Variants in LEMD1 observed in about 807,000 individuals in gnomAD.
The protein encoded by LEMD1 is LEM domain-containing protein 1.
In LEMD1, 18 loss-of-function variants were observed where a neutral mutation model predicts 17.4. The observed-to-expected ratio is 1.04, with a 90% CI of 0.72 to 1.54. The LOEUF is 1.54. Ranked by LOEUF, LEMD1 falls within the 40% of genes most tolerant of loss-of-function variation. The pLI, the probability that LEMD1 is intolerant of heterozygous loss-of-function variation, is 0.00. For synonymous variants in LEMD1, 88 were observed against 77.8 expected, an observed-to-expected ratio of 1.13 and a Z score of -0.69; for missense variants, 195 against 210.4, an observed-to-expected ratio of 0.93 and a Z score of 0.45.
rs1394629959 is a variant in LEMD1, at chr1:205,411,245, AAGG to A, written c.270+4984_270+4986del. On this transcript the variant is annotated intron_variant, in intron 4 of 5. Transcript: ENST00000367153. ...AAGGAAGGAGGGAGGGAGGGAAAGG[AAGG>A]AAGGAAGGAAGGAAAAAGAAAGAAG... Among the ~76,000 whole-genome samples the A allele has an allele frequency of 8.8e-5, 13 of 147,392 alleles. No individual in the cohort carries two copies. The East Asian group carries it at 2.2e-3, about 25-fold the overall frequency.
intron 1 of LEMD1, among the ~76,000 whole-genome samples, chr1:205,433,118 C>T (rs1666150407): frequency 1.3e-5 from 2 of 152,222 alleles, no homozygotes; most frequent in Non-Finnish European, 1.5e-5. Context: ...GAGCACTTTG[C>T]TTGTACTTTA....
chr1:205,441,805 T>C lies in LEMD1; in HGVS notation c.-39+8063A>G, dbSNP rs1212529728. ...AAGGGTAAAGACATGGTTTCTTCCC[T>C]GGCACATAAGTCTGAGGTAGAGGCT... On this transcript the variant is annotated intron_variant, in intron 1 of 3. Transcript: ENST00000367154. This position sits in a 1 kb window ranked among gnomAD's most constrained non-coding sequence, Gnocchi z 4.3. 1.3e-5 allele frequency among the ~76,000 whole-genome samples: 2 copies of C among 152,184 alleles called. No individual in the cohort carries two copies. The highest frequency in any genetic ancestry group is 4.8e-5 in the African/African-American group (2 of 41,456).
chr1:205,435,110 T>A (rs553016577), intron 1 of LEMD1: 2 of 152,272 alleles, frequency 1.3e-5, no homozygotes, highest in East Asian at 1.9e-4. Context: ...AGTGCAGGAG[T>A]TTAGCATGAT....
chr1:205,420,332 T>C (rs16855560), intron 2 of LEMD1, 123 bp downstream of exon 2: 119,935 of 735,198 alleles, frequency 0.16, 10,828 homozygotes, highest in African/African-American at 0.28. Context: ...TCTTTGTGGT[T>C]TTCTGTTTTC....
chr1:205,387,738 G>A (rs796950409), intron 4 of LEMD1, among the ~76,000 whole-genome samples: 7 of 152,232 alleles, frequency 4.6e-5, no homozygotes, highest in African/African-American at 1.4e-4. Flanking sequence ...GCTATACCTC[G>A]GCATTCAAGT....
chr1:205,421,840 C>G (rs944916606), intron 1 of LEMD1, 150 bp downstream of exon 1: 2 of 152,174 alleles, frequency 1.3e-5, no homozygotes, highest in African/African-American at 4.8e-5. Context: ...TTCCTGAGAA[C>G]AGCTGTCTGT....
chr1:205,407,048 G>A (rs1448985856), intron 4 of LEMD1, among the ~76,000 whole-genome samples: 3 of 152,132 alleles, frequency 2.0e-5, no homozygotes, highest in Non-Finnish European at 2.9e-5. Context: ...ATTTGAACTT[G>A]GGACTGGGCA....
At chr1:205,409,746 CAT>C (rs1665296931) in intron 4 of LEMD1, among the ~76,000 whole-genome samples, 1 of 150,772 alleles carries the variant, frequency 6.6e-6, no homozygotes, top group African/African-American at 2.4e-5. Context: ...GGACCACAAG[CAT>C]GCGTGCCACT....
rs1664568056 is a variant in LEMD1, at chr1:205,395,830, A to G, written c.271-11466T>C. Among the ~76,000 whole-genome samples the G allele has an allele frequency of 3.3e-5, 5 of 152,322 alleles. No homozygotes were observed. The South Asian group carries it at 1.0e-3, about 32-fold the overall frequency. On this transcript the variant is annotated intron_variant, in intron 4 of 5. Transcript: ENST00000367153. ...ACCTAATAAAAAATGGGCAAAAGAC[A>G]TGAATAGGCATTTCACAGATGAGAA...
intron 1 of LEMD1, among the ~76,000 whole-genome samples, chr1:205,431,810 G>A (rs369203216): frequency 3.5e-4 from 53 of 152,064 alleles, no homozygotes; most frequent in Middle Eastern, 6.8e-3. Context: ...TCCGCCTCCC[G>A]GGTTCAAGAG....
chr1:205,387,321 G>C (rs1388466423), intron 4 of LEMD1: 4 of 151,998 alleles, frequency 2.6e-5, no homozygotes, highest in Non-Finnish European at 5.9e-5. Flanking sequence ...TTATTGATTA[G>C]TGTTAATAAA....
At position 205,416,225 on chromosome 1, in the gene LEMD1, T is replaced by C. The variant is rs1574988913; in HGVS notation, c.270+7A>G. ...TATAAGTATTCAGGCATTAGAATGGTACATACTTTTTTGAGTTTCTTGCTT... is the reference window on the plus strand; with the variant it reads ...TATAAGTATTCAGGCATTAGAATGGCACATACTTTTTTGAGTTTCTTGCTT... On this transcript the variant is annotated splice_region_variant and intron_variant, in intron 4 of 5. Transcript: ENST00000367153. 5 of 1,519,368 alleles carry C rather than the reference T, an allele frequency of 3.3e-6. No homozygotes were observed. Among genetic ancestry groups the C allele is most frequent in the East Asian group, 2.5e-5 (1 of 40,770 alleles). 94.1% of individuals were successfully genotyped at this position (1,519,368 alleles called of 1,614,324 possible). A position where few individuals can be genotyped will look rare whatever the true frequency, so the allele number is the denominator to read the frequency against.
At chr1:205,445,530 C>A (rs1248205105) in intron 1 of LEMD1, among the ~76,000 whole-genome samples, 1 of 152,242 alleles carries the variant, frequency 6.6e-6, no homozygotes, top group Non-Finnish European at 1.5e-5. Context: ...AGACCACAGA[C>A]CCTAGCTTGC....
At chr1:205,402,821 G>T (rs1348534588) in intron 4 of LEMD1, among the ~76,000 whole-genome samples, 1 of 151,394 alleles carries the variant, frequency 6.6e-6, no homozygotes, top group African/African-American at 2.4e-5. Flanking sequence ...CATTCAGTAT[G>T]ATATTGGCTG....
rs1043268630 is a variant in LEMD1, at chr1:205,448,126, C to T, written c.-39+1742G>A. 6.6e-6 allele frequency among the ~76,000 whole-genome samples: 1 copy of T among 152,154 alleles called. No homozygotes were observed. Among genetic ancestry groups the T allele is most frequent in the Non-Finnish European group, 1.5e-5 (1 of 68,026 alleles). On this transcript the variant is annotated intron_variant, in intron 1 of 3. Coordinates refer to the LEMD1 transcript ENST00000367154. This position sits in a 1 kb window ranked among gnomAD's most constrained non-coding sequence, Gnocchi z 4.7. ...AATCACCGGCCCAGTCTCTTCATTC[C>T]AGAGTGAGGAAACAGGGCCAGAAGG...
At chr1:205,383,019 C>T (rs1183454839) in intron 5 of LEMD1, among the ~76,000 whole-genome samples, 1 of 152,164 alleles carries the variant, frequency 6.6e-6, no homozygotes, top group East Asian at 1.9e-4. Context: ...GAACTACTTA[C>T]TCTTTTTATT....
At chr1:205,405,581 G>A (rs1317704268) in intron 4 of LEMD1, among the ~76,000 whole-genome samples, 1 of 148,428 alleles carries the variant, frequency 6.7e-6, no homozygotes, top group Non-Finnish European at 1.5e-5. Flanking sequence ...CTCTGTATTG[G>A]TTATTCTAGT....
intron 1 of LEMD1, among the ~76,000 whole-genome samples, chr1:205,439,695 T>C (rs1416411589): frequency 6.6e-6 from 1 of 152,198 alleles, no homozygotes; most frequent in Non-Finnish European, 1.5e-5. Context: ...GGTCTGACTT[T>C]GCTCCTTGGC....
intron 1 of LEMD1, chr1:205,434,749 C>G (rs1407928994): frequency 1.3e-5 from 2 of 152,218 alleles, no homozygotes; most frequent in Non-Finnish European, 2.9e-5. Flanking sequence ...CTCTTCCCCC[C>G]AGTCTCCATT....
Sources: allele counts gnomAD v4.1 joint callset (sites outside exome capture counted in the v4.1 genomes callset), GRCh38; gene constraint gnomAD v4.1.1; non-coding constraint Gnocchi (gnomAD v3.1); transcripts MANE v1.5; gene names NCBI Gene and HGNC (gene_info 2026-07-23, HGNC 2026-07-21).